COPS3: variants seen among roughly 807,000 people sequenced by gnomAD.
COPS3 encodes the protein COP9 signalosome complex subunit 3.
In COPS3, 10 loss-of-function variants were observed where a neutral mutation model predicts 58.2. The ratio of observed to expected loss-of-function variants is 0.17; its 90% CI spans 0.11 to 0.29. The LOEUF (loss-of-function observed/expected upper bound fraction) is 0.29, where lower values mean the gene tolerates loss of function less well. COPS3 is among the 10% of genes least tolerant of loss of function. COPS3 has a pLI of 1.00. For synonymous variants in COPS3, 187 were observed against 181.7 expected, an observed-to-expected ratio of 1.03 and a Z score of -0.24; for missense variants, 333 against 510.1, an observed-to-expected ratio of 0.65 and a Z score of 3.34.
intron 8 of COPS3, among the ~76,000 whole-genome samples, chr17:17,255,750 T>A (rs1259129689): frequency 6.7e-6 from 1 of 149,864 alleles, no homozygotes; most frequent in South Asian, 2.1e-4. Flanking sequence ...TGAGGCAGGA[T>A]AATCGCTTAA....
At chr17:17,269,928 G>T (rs928533377) in intron 4 of COPS3, among the ~76,000 whole-genome samples, 1 of 152,134 alleles carries the variant, frequency 6.6e-6, no homozygotes, top group Non-Finnish European at 1.5e-5. Flanking sequence ...AGGCCAAGGC[G>T]GGAGGATTGC....
chr17:17,254,980 A>T (rs2047935278), intron 8 of COPS3, 35 bp from the exon 9 acceptor site: 1 of 1,441,236 alleles, frequency 6.9e-7, no homozygotes, highest in Non-Finnish European at 9.7e-7. Flanking sequence ...CACAGGTAGG[A>T]ACAACGAAGG....
At chr17:17,280,553 G>GA in intron 1 of COPS3, 1 of 1,049,682 alleles carries the variant, frequency 9.5e-7, no homozygotes, top group Non-Finnish European at 1.2e-6. Context: ...AAAAAACAAA[G>GA]AAGAAGAAAT....
At position 17,248,063 on chromosome 17, in the gene COPS3, G is replaced by A. The variant is rs191978561; in HGVS notation, c.1138-503C>T. On this transcript the variant is annotated intron_variant, in intron 10 of 11. Coordinates refer to ENST00000268717, the MANE Select transcript of COPS3 (RefSeq NM_003653.4). ...GCCAGGCTGTTGCCTAAAGGGGACC[G>A]TCAGGGAGGGCTTTGCTCTTCTCCT... is the stretch of plus-strand genomic sequence containing the variant. Among the ~76,000 whole-genome samples the A allele has an allele frequency of 2.4e-3, 365 of 152,232 alleles. 2 individuals carry two copies. The highest frequency in any genetic ancestry group is 0.017 in the Middle Eastern group (5 of 294).
Position 17,281,162 on chromosome 17 carries a change from C to T in COPS3, c.25G>A (p.Val9Met). MASALEQF[V>M]NSVRQLSAQG... The stretch of plus-strand genomic sequence containing the variant: ...GCTGAGAGCTGTCGGACACTGTTCA[C>T]GAACTGCTCCAGGGCAGACGCCATG... Residue 9 changes from valine to methionine, a missense_variant, in exon 1 of 12, where the codon GTG (valine) becomes ATG (methionine). By Grantham distance (21) the Val-to-Met change is conservative (BLOSUM62 1). Coordinates refer to ENST00000268717, the MANE Select transcript of COPS3 (RefSeq NM_003653.4). 1 of 1,611,660 alleles carries T rather than the reference C, an allele frequency of 6.2e-7. No individual in the cohort carries two copies. The highest frequency in any genetic ancestry group is 8.5e-7 in the Non-Finnish European group (1 of 1,179,110).
chr17:17,261,910 T>C, intron 7 of COPS3, 56 bp downstream of exon 7: 1 of 1,468,612 alleles, frequency 6.8e-7, no homozygotes, highest in East Asian at 2.3e-5. Flanking sequence ...TCATTGCAAT[T>C]TCTTTATATA....
chr17:17,263,510 CTT>C (rs34755381), intron 6 of COPS3, among the ~76,000 whole-genome samples: 43,419 of 97,708 alleles, frequency 0.44, 8,305 homozygotes, highest in East Asian at 0.56. Context: ...CTTGCCTTTT[CTT>C]TTTTTTTTTT....
chr17:17,258,951 T>C (rs890103933), intron 8 of COPS3, among the ~76,000 whole-genome samples: 2 of 152,178 alleles, frequency 1.3e-5, no homozygotes, highest in African/African-American at 4.8e-5. Context: ...TTCTTGCCCA[T>C]TGACCCTCTC....
chr17:17,257,322 C>T (rs1052858742), intron 8 of COPS3, among the ~76,000 whole-genome samples: 2 of 151,014 alleles, frequency 1.3e-5, no homozygotes, highest in African/African-American at 4.9e-5. Context: ...AAAGATCGCA[C>T]CACTGCACTC....
At chr17:17,260,836 A>C in intron 7 of COPS3, 1 of 169,200 alleles carries the variant, frequency 5.9e-6, no homozygotes. Context: ...CAAACAAACA[A>C]ACTTCAGAAG....
chr17:17,255,020 G>C (rs529520178), intron 8 of COPS3, 75 bp from the exon 9 acceptor site: 29 of 1,033,850 alleles, frequency 2.8e-5, no homozygotes, highest in Non-Finnish European at 4.2e-5. Flanking sequence ...TGTACAGAGC[G>C]GCCAGGCGTG....
chr17:17,273,709 G>A (rs572090627), intron 2 of COPS3, among the ~76,000 whole-genome samples: 11 of 152,256 alleles, frequency 7.2e-5, no homozygotes, highest in African/African-American at 1.2e-4. Context: ...AAAATTAGGC[G>A]GGCGTGGTGG....
chr17:17,262,306 G>A (rs936286983), intron 6 of COPS3, among the ~76,000 whole-genome samples, 200 bp from the exon 7 acceptor site: 7 of 152,020 alleles, frequency 4.6e-5, no homozygotes, highest in Admixed American at 2.6e-4. Flanking sequence ...TGTCATCTAG[G>A]CTGGAGCGCA....
chr17:17,268,478 CCA>C (rs1185969374), intron 4 of COPS3, among the ~76,000 whole-genome samples: 1 of 152,116 alleles, frequency 6.6e-6, no homozygotes, highest in Non-Finnish European at 1.5e-5. Context: ...AATAAGAAGA[CCA>C]AGTGTCAAGT....
At chr17:17,261,877 T>C in intron 7 of COPS3, 89 bp downstream of exon 7, 1 of 1,196,752 alleles carries the variant, frequency 8.4e-7, no homozygotes, top group Non-Finnish European at 1.2e-6. Context: ...TAAATCAGTA[T>C]AAAACGAAGT....
chr17:17,255,028 G>A (rs549637525), intron 8 of COPS3, 83 bp from the exon 9 acceptor site: 54 of 931,836 alleles, frequency 5.8e-5, no homozygotes, highest in Admixed American at 2.3e-4. Context: ...GCGGCCAGGC[G>A]TGGTGGCTCA....
chr17:17,247,857 T>C, intron 10 of COPS3: 1 of 277,028 alleles, frequency 3.6e-6, no homozygotes, highest in Non-Finnish European at 6.7e-6. Flanking sequence ...AGACACCATT[T>C]CAGGTGACAT....
At chr17:17,268,150 T>G in intron 4 of COPS3, 173 bp from the exon 5 acceptor site, 1 of 965,864 alleles carries the variant, frequency 1.0e-6, no homozygotes, top group Non-Finnish European at 1.4e-6. Flanking sequence ...CAGAAAACTT[T>G]TCTTAAGCTG....
intron 10 of COPS3, among the ~76,000 whole-genome samples, 188 bp downstream of exon 10, chr17:17,248,737 AC>A (rs1474066668): frequency 6.6e-6 from 1 of 152,082 alleles, no homozygotes; most frequent in Non-Finnish European, 1.5e-5. Flanking sequence ...GCTCACTGTA[AC>A]CCGTCTCCAG....
Sources: allele counts gnomAD v4.1 joint callset (sites outside exome capture counted in the v4.1 genomes callset), GRCh38; gene constraint gnomAD v4.1.1; transcripts MANE v1.5; gene names NCBI Gene and HGNC (gene_info 2026-07-23, HGNC 2026-07-21).